Variants in CDH13 observed in about 807,000 individuals in gnomAD.
The protein encoded by CDH13 is cadherin 13.
In CDH13, 24 loss-of-function variants were observed where a neutral mutation model predicts 63.8. That is an observed-to-expected ratio of 0.38 (90% CI 0.27 to 0.53). The LOEUF is 0.53. Ranked by LOEUF, CDH13 falls within the 20% of genes least tolerant of loss-of-function variation. The probability of loss-of-function intolerance (pLI) is 0.85; values close to 1 mark genes in which losing one functional copy is unlikely to be tolerated. For synonymous variants in CDH13, 503 were observed against 355.3 expected (o/e 1.42, Z -4.67); for missense variants, 1,049 against 903.1 (o/e 1.16, Z -2.07).
chr16:82,940,270 G>T (rs1184228074), intron 2 of CDH13, among the ~76,000 whole-genome samples: 1 of 152,148 alleles, frequency 6.6e-6, no homozygotes, highest in Non-Finnish European at 1.5e-5. Flanking sequence ...TGAATACGTT[G>T]CCTTGAGCAA....
intron 6 of CDH13, among the ~76,000 whole-genome samples, chr16:83,446,399 C>G (rs906419542): frequency 6.6e-6 from 1 of 152,028 alleles, no homozygotes; most frequent in Non-Finnish European, 1.5e-5. Flanking sequence ...TCAGCTGAGC[C>G]TTTTTAAAAA....
chr16:83,335,761 C>A (rs147545170), intron 5 of CDH13, among the ~76,000 whole-genome samples: 2 of 152,022 alleles, frequency 1.3e-5, no homozygotes, highest in Non-Finnish European at 2.9e-5. Context: ...ATCTAATTAC[C>A]GGTGCATGCA....
chr16:83,364,965 G>C (rs140335589), intron 6 of CDH13, among the ~76,000 whole-genome samples: 1 of 152,140 alleles, frequency 6.6e-6, no homozygotes, highest in Admixed American at 6.5e-5. Flanking sequence ...TAAGGCATGC[G>C]GGGCTTAAAA....
At chr16:82,689,031 C>T (rs1428743054) in intron 1 of CDH13, 1 of 152,198 alleles carries the variant, frequency 6.6e-6, no homozygotes. Flanking sequence ...CATTTAAGAA[C>T]TAGGTCAGCT....
At chr16:82,787,397 C>T (rs1359745576) in intron 1 of CDH13, among the ~76,000 whole-genome samples, 1 of 152,118 alleles carries the variant, frequency 6.6e-6, no homozygotes, top group African/African-American at 2.4e-5. Flanking sequence ...CCATTTGACT[C>T]ATTTCATTAT....
intron 6 of CDH13, among the ~76,000 whole-genome samples, chr16:83,441,329 G>T (rs547494930): frequency 6.6e-6 from 1 of 152,168 alleles, no homozygotes; most frequent in South Asian, 2.1e-4. Flanking sequence ...TCAATTACTT[G>T]GGAAAAACAC....
intron 6 of CDH13, among the ~76,000 whole-genome samples, chr16:83,399,885 C>G (rs796175754): frequency 4.6e-5 from 7 of 152,188 alleles, no homozygotes; most frequent in African/African-American, 1.7e-4. Flanking sequence ...GAGGTTGTAC[C>G]CAACTCATTC....
At chr16:83,077,959 A>G (rs751935887) in intron 3 of CDH13, among the ~76,000 whole-genome samples, 7 of 151,982 alleles carry the variant, frequency 4.6e-5, no homozygotes, top group African/African-American at 9.7e-5. Flanking sequence ...ACCCATATGT[A>G]TGCTTATTGA....
chr16:83,517,658 G>T (rs1598204712), intron 7 of CDH13, among the ~76,000 whole-genome samples: 3 of 152,348 alleles, frequency 2.0e-5, no homozygotes, highest in South Asian at 4.1e-4. Flanking sequence ...GTTTGTTGCA[G>T]TGACAGTCTG....
At chr16:83,562,280 A>G (rs2075722809) in intron 7 of CDH13, among the ~76,000 whole-genome samples, 1 of 152,030 alleles carries the variant, frequency 6.6e-6, no homozygotes, top group Non-Finnish European at 1.5e-5. Flanking sequence ...CTTGTCAGAT[A>G]ATAAGAACTT....
intron 7 of CDH13, among the ~76,000 whole-genome samples, chr16:83,555,258 A>G (rs2075579936): frequency 6.6e-6 from 1 of 152,152 alleles, no homozygotes; most frequent in South Asian, 2.1e-4. Flanking sequence ...AGAAACAGGC[A>G]TAGGGGTATC....
intron 6 of CDH13, among the ~76,000 whole-genome samples, chr16:83,402,178 T>A (rs894315229): frequency 6.6e-6 from 1 of 152,156 alleles, no homozygotes; most frequent in South Asian, 2.1e-4. Context: ...GTTGTTATTA[T>A]CATTACTCCT....
intron 6 of CDH13, among the ~76,000 whole-genome samples, chr16:83,388,283 GAAA>G (rs549786649): frequency 8.7e-6 from 1 of 115,508 alleles, no homozygotes; most frequent in African/African-American, 3.3e-5. Flanking sequence ...CCTCTCTCTG[GAAA>G]AAAAAAAAAA....
At chr16:83,121,381 T>A (rs1374802427) in intron 3 of CDH13, among the ~76,000 whole-genome samples, 5 of 152,230 alleles carry the variant, frequency 3.3e-5, no homozygotes, top group Non-Finnish European at 7.3e-5. Context: ...GCATGCAACC[T>A]CTCTGAACTT....
At chr16:83,244,948 C>T (rs1253182975) in intron 5 of CDH13, among the ~76,000 whole-genome samples, 1 of 151,918 alleles carries the variant, frequency 6.6e-6, no homozygotes, top group Non-Finnish European at 1.5e-5. Context: ...CAGCATAAGC[C>T]ATATCTATTT....
At chr16:83,467,063 G>A (rs2073334322) in intron 6 of CDH13, among the ~76,000 whole-genome samples, 1 of 151,990 alleles carries the variant, frequency 6.6e-6, no homozygotes, top group Admixed American at 6.6e-5. Context: ...CAGAGTAGAG[G>A]GTTCTAAAAT....
chr16:83,210,515 G>A (rs193035878), intron 4 of CDH13, among the ~76,000 whole-genome samples: 11 of 152,006 alleles, frequency 7.2e-5, no homozygotes, highest in South Asian at 2.1e-4. Context: ...ATTCATTTAC[G>A]TATTCATTAT....
At chr16:83,129,389 T>C (rs971366171) in intron 4 of CDH13, among the ~76,000 whole-genome samples, 1 of 152,230 alleles carries the variant, frequency 6.6e-6, no homozygotes, top group African/African-American at 2.4e-5. Flanking sequence ...AGACAAGAAT[T>C]CAAATGAAGG....
At chr16:82,994,124 A>T (rs1911949062) in intron 2 of CDH13, among the ~76,000 whole-genome samples, 1 of 152,048 alleles carries the variant, frequency 6.6e-6, no homozygotes, top group Non-Finnish European at 1.5e-5. Flanking sequence ...GAGGGAAGGG[A>T]TGTTCTATTC....
Sources: gnomAD v4.1 joint callset for allele counts (sites outside exome capture counted in the v4.1 genomes callset) on GRCh38, gnomAD v4.1.1 for gene constraint, MANE v1.5 for transcripts, NCBI Gene and HGNC (gene_info 2026-07-23, HGNC 2026-07-21) for gene names.